The following CALN1 variants were observed in gnomAD, a reference collection of about 807,000 sequenced individuals.
The protein encoded by CALN1 is calcium-binding protein 8.
A neutral mutation model predicts 30.6 loss-of-function variants in CALN1; 17 were observed. That is an observed-to-expected ratio of 0.56 (90% CI 0.38 to 0.83). The LOEUF is 0.83. CALN1 is among the 40% of genes least tolerant of loss of function. The pLI is 0.00. For synonymous variants in CALN1, 156 were observed against 131.4 expected (o/e 1.19, Z -1.28); for missense variants, 291 against 354.9 (o/e 0.82, Z 1.45).
intron 2 of CALN1, among the ~76,000 whole-genome samples, chr7:72,399,899 TAG>T (rs1585664052): frequency 6.6e-6 from 1 of 152,146 alleles, no homozygotes; most frequent in African/African-American, 2.4e-5. Flanking sequence ...CTCACTCTAT[TAG>T]TTCATGCAAG....
At chr7:72,400,000 T>G (rs1364308162) in intron 2 of CALN1, among the ~76,000 whole-genome samples, 1 of 152,192 alleles carries the variant, frequency 6.6e-6, no homozygotes, top group Non-Finnish European at 1.5e-5. Context: ...CCACTATGAT[T>G]AGAACCTTCC....
intron 1 of CALN1, among the ~76,000 whole-genome samples, chr7:72,410,319 A>G (rs990751298): frequency 1.3e-5 from 2 of 152,224 alleles, no homozygotes; most frequent in Non-Finnish European, 2.9e-5. Flanking sequence ...ATCATTTTGA[A>G]TATCTTACTA....
At chr7:71,788,898 T>C (rs1793148981) in intron 6 of CALN1, among the ~76,000 whole-genome samples, 1 of 151,826 alleles carries the variant, frequency 6.6e-6, no homozygotes, top group Non-Finnish European at 1.5e-5. Flanking sequence ...GACCTTGTGA[T>C]CTACCCGCCT....
At chr7:72,003,399 T>G (rs1799622248) in intron 5 of CALN1, among the ~76,000 whole-genome samples, 1 of 152,140 alleles carries the variant, frequency 6.6e-6, no homozygotes, top group African/African-American at 2.4e-5. Context: ...TCCCGGGCCA[T>G]GGACCGGTAC....
intron 5 of CALN1, among the ~76,000 whole-genome samples, chr7:71,990,116 G>C (rs1216635942): frequency 6.6e-6 from 1 of 152,036 alleles, no homozygotes; most frequent in Non-Finnish European, 1.5e-5. Flanking sequence ...AGATGTTGCT[G>C]ATAAAACAGG....
At position 71,935,861 on chromosome 7, in the gene CALN1, A is replaced by T. The variant is rs138897489; in HGVS notation, c.501+87796T>A. On this transcript the variant is annotated intron_variant, in intron 5 of 6. Transcript: ENST00000395275. ...TAGTCTTGAGGTTGCGGGATGCTTGACCACAAAATGCAATCTACAGGTTAC... is the reference window on the plus strand; with the variant it reads ...TAGTCTTGAGGTTGCGGGATGCTTGTCCACAAAATGCAATCTACAGGTTAC... 9.8e-5 allele frequency among the ~76,000 whole-genome samples: 15 copies of T among 152,324 alleles called. No homozygotes were observed. In the East Asian group the frequency reaches 2.9e-3, roughly 29 times the overall value.
chr7:71,926,706 T>G lies in CALN1; in HGVS notation c.501+96951A>C, dbSNP rs373548212. ...TTAAAATTTATTCTTTTTACCTCTT[T>G]GTGTTTCATTTGGTCAATTTCTATT... is the stretch of plus-strand genomic sequence containing the variant. On this transcript the variant is annotated intron_variant, in intron 5 of 6. Coordinates refer to ENST00000395275, the MANE Select transcript of CALN1 (RefSeq NM_031468.4). Among the ~76,000 whole-genome samples the G allele has an allele frequency of 3.3e-5, 5 of 152,268 alleles. No individual in the cohort carries two copies. In the East Asian group the frequency reaches 9.6e-4, roughly 29 times the overall value.
At chr7:72,225,260 C>A (rs999954080) in intron 3 of CALN1, among the ~76,000 whole-genome samples, 4 of 152,030 alleles carry the variant, frequency 2.6e-5, no homozygotes, top group African/African-American at 9.7e-5. Flanking sequence ...CTTCACTGAG[C>A]ACCAGGTTCC....
chr7:72,368,247 G>A (rs907206373), intron 2 of CALN1, among the ~76,000 whole-genome samples: 2 of 150,280 alleles, frequency 1.3e-5, no homozygotes, highest in African/African-American at 4.9e-5. Context: ...TAGGATGCTA[G>A]TAATGTTCTG....
rs1332469560 is a variant in CALN1 at position 72,106,163 on chromosome 7, A to G, written c.376T>C (p.Leu126=). Residue 126 remains leucine, a synonymous_variant, in exon 4 of 7, where the codon TTG becomes CTG. Transcript: ENST00000395275. ...EVELAIIMQR[L]DMDGDGQVDF... ...GTCCGGGTCTTACCGTCCATGTCCAAGCGCTGCATGATGATGGCCAGCTCC... is the reference window on the plus strand; with the variant it reads ...GTCCGGGTCTTACCGTCCATGTCCAGGCGCTGCATGATGATGGCCAGCTCC... The G allele has an allele frequency of 2.5e-6, 4 of 1,613,788 alleles. No homozygotes were observed. Among genetic ancestry groups the G allele is most frequent in the Non-Finnish European group, 3.4e-6 (4 of 1,179,970 alleles).
At chr7:71,843,306 C>T (rs1313730837) in intron 5 of CALN1, among the ~76,000 whole-genome samples, 2 of 152,150 alleles carry the variant, frequency 1.3e-5, no homozygotes, top group Non-Finnish European at 2.9e-5. Context: ...TACATCAATG[C>T]ACTCATTGCA....
At chr7:72,167,517 G>A (rs1375541085) in intron 3 of CALN1, among the ~76,000 whole-genome samples, 4 of 152,158 alleles carry the variant, frequency 2.6e-5, no homozygotes, top group East Asian at 1.9e-4. Flanking sequence ...GCTAATTTTC[G>A]TAATTTTAGT....
chr7:72,315,528 A>C (rs1293447164), intron 2 of CALN1, among the ~76,000 whole-genome samples: 1 of 151,944 alleles, frequency 6.6e-6, no homozygotes, highest in African/African-American at 2.4e-5. Context: ...AAAACACAGC[A>C]AGATCCTGTC....
chr7:72,368,424 T>C (rs181947313), intron 2 of CALN1, among the ~76,000 whole-genome samples: 57 of 152,102 alleles, frequency 3.7e-4, no homozygotes, highest in Non-Finnish European at 7.4e-4. Flanking sequence ...TGGTGCCACA[T>C]AGAAATGGGA....
chr7:72,278,006 TCCG>T (rs1797451021), intron 3 of CALN1, among the ~76,000 whole-genome samples: 1 of 49,714 alleles, frequency 2.0e-5, no homozygotes, highest in Non-Finnish European at 4.5e-5. Flanking sequence ...AATCCTCTAT[TCCG>T]GGGGGGGGGG....
chr7:71,894,789 AGTTTT>A, intron 5 of CALN1, among the ~76,000 whole-genome samples: 1 of 152,322 alleles, frequency 6.6e-6, no homozygotes, highest in East Asian at 1.9e-4. Flanking sequence ...CTCTTAGTTT[AGTTTT>A]CAGTAGTTTA....
chr7:72,054,568 T>C (rs1803125548), intron 4 of CALN1, among the ~76,000 whole-genome samples: 1 of 146,750 alleles, frequency 6.8e-6, no homozygotes. Flanking sequence ...TATAATGGAA[T>C]ACTATGCAGC....
intron 5 of CALN1, among the ~76,000 whole-genome samples, chr7:72,021,257 G>A (rs1481651649): frequency 1.3e-5 from 2 of 151,856 alleles, no homozygotes; most frequent in Admixed American, 6.6e-5. Flanking sequence ...CCTAGGTGAC[G>A]GAATGAAACC....
rs11978784 is a variant in CALN1 at position 72,399,588 on chromosome 7, C to T, written c.119+3663G>A. On this transcript the variant is annotated intron_variant, in intron 2 of 6. Coordinates refer to ENST00000395275, the MANE Select transcript of CALN1 (RefSeq NM_031468.4). ...CTGACCTAACCTATTGCTTTTGTTC[C>T]GTAAGTCACAGTTCACTAATTTGAG... 3.2e-3 allele frequency among the ~76,000 whole-genome samples: 480 copies of T among 152,148 alleles called. 4 individuals carry two copies. The highest frequency in any genetic ancestry group is 0.011 in the African/African-American group (461 of 41,526).
Sources: gnomAD v4.1 joint callset for allele counts (sites outside exome capture counted in the v4.1 genomes callset) on GRCh38, gnomAD v4.1.1 for gene constraint, MANE v1.5 for transcripts, NCBI Gene and HGNC (gene_info 2026-07-23, HGNC 2026-07-21) for gene names.